The following MGST1 variants were observed in gnomAD, a reference collection of about 807,000 sequenced individuals.
MGST1 encodes the protein microsomal glutathione S-transferase 1, also known as glutathione S-transferase 12.
MGST1 carries 5 observed loss-of-function variants against 8.9 expected under a neutral mutation model. The ratio of observed to expected loss-of-function variants is 0.56; its 90% confidence interval spans 0.29 to 1.19. MGST1 has a LOEUF of 1.19. Among genes scored for constraint, MGST1 ranks in the 50% most tolerant of loss-of-function variants. The pLI, the probability that MGST1 is intolerant of heterozygous loss-of-function variation, is 0.08. For synonymous variants in MGST1, 54 were observed against 67.8 expected (o/e 0.80, Z 1.00); for missense variants, 182 against 187.4 (o/e 0.97, Z 0.17).
rs566190101 is a variant in MGST1, at chr12:16,446,788, T to C, written n.482+63184T>C. ...GAGCCACCACTGAACTTCTTGTTGA[T>C]TCTGGTATCCATCTCCCTTGTACAC... On this transcript the variant is annotated intron_variant and non_coding_transcript_variant, in intron 4 of 4. Coordinates refer to the MGST1 transcript ENST00000538857. Among the ~76,000 whole-genome samples the C allele has an allele frequency of 3.5e-4, 53 of 152,000 alleles. 2 individuals are homozygous for C. The South Asian group carries it at 0.011, about 31-fold the overall frequency.
chr12:16,443,583 ACAT>A (rs1480197082), downstream of MGST1, among the ~76,000 whole-genome samples: 4 of 151,904 alleles, frequency 2.6e-5, no homozygotes, highest in Non-Finnish European at 5.9e-5. Context: ...TATTTTTACA[ACAT>A]CATAAACAAT....
At chr12:16,519,940 A>C (rs1457033995) in intron 4 of MGST1, among the ~76,000 whole-genome samples, 1 of 152,182 alleles carries the variant, frequency 6.6e-6, no homozygotes, top group Non-Finnish European at 1.5e-5. Context: ...CATGTGGTAC[A>C]ATCAGATACA....
intron 4 of MGST1, among the ~76,000 whole-genome samples, chr12:16,570,596 A>G (rs1318012898): frequency 6.6e-6 from 1 of 152,130 alleles, no homozygotes; most frequent in East Asian, 1.9e-4. Flanking sequence ...TTCATGTGTC[A>G]ATTTCACCAT....
chr12:16,531,130 G>C (rs965829664), intron 4 of MGST1, among the ~76,000 whole-genome samples: 1 of 103,162 alleles, frequency 9.7e-6, no homozygotes, highest in Non-Finnish European at 1.8e-5. Context: ...TAGAAGCAAA[G>C]GAATTGTCTT....
Position 16,500,679 on chromosome 12 carries a change from T to C in MGST1, n.483-88849T>C, listed in dbSNP as rs564413830. On this transcript the variant is annotated intron_variant and non_coding_transcript_variant, in intron 4 of 4. Coordinates refer to the MGST1 transcript ENST00000538857. This position sits in a 1 kb window ranked among gnomAD's most constrained non-coding sequence, Gnocchi z 4.3. ...CTTTGCCCAGGATGATGTTTACACA[T>C]AGCAGGTGCTCAATAAATATATGTG... Among the ~76,000 whole-genome samples, 36 of 146,904 alleles carry C rather than the reference T, an allele frequency of 2.5e-4. No individual in the cohort carries two copies. Among genetic ancestry groups the C allele is most frequent in the Middle Eastern group, 3.4e-3 (1 of 292 alleles).
chr12:16,457,824 G>T (rs1941188248), intron 4 of MGST1, among the ~76,000 whole-genome samples: 1 of 151,912 alleles, frequency 6.6e-6, no homozygotes, highest in South Asian at 2.1e-4. Flanking sequence ...TTTTCATAAT[G>T]AATGAAAAAC....
chr12:16,588,727 C>T (rs1311181525), intron 4 of MGST1, among the ~76,000 whole-genome samples: 1 of 152,050 alleles, frequency 6.6e-6, no homozygotes, highest in East Asian at 1.9e-4. Context: ...ATTTCTCCAC[C>T]CATCTCCTTT....
At chr12:16,542,724 A>T (rs1272916195) in intron 4 of MGST1, among the ~76,000 whole-genome samples, 1 of 152,138 alleles carries the variant, frequency 6.6e-6, no homozygotes. Context: ...AACTATCAAC[A>T]TCCTCTCTTG....
intron 4 of MGST1, among the ~76,000 whole-genome samples, chr12:16,444,888 T>A (rs776246840): frequency 1.3e-5 from 2 of 151,938 alleles, no homozygotes; most frequent in Non-Finnish European, 1.5e-5. Flanking sequence ...TGGGTCCAAG[T>A]GGCATATGAG....
chr12:16,528,238 G>A lies in MGST1; in HGVS notation n.483-61290G>A, dbSNP rs559870760. On this transcript the variant is annotated intron_variant and non_coding_transcript_variant, in intron 4 of 4. Transcript: ENST00000538857. ...ACATTTTCACTGACTGCATTGCCTG[G>A]TTCAGTGCCTGCTTTCCATAGTGAA... is the stretch of plus-strand genomic sequence containing the variant. Among the ~76,000 whole-genome samples the A allele has an allele frequency of 2.6e-5, 4 of 152,070 alleles. No homozygotes were observed. The South Asian group carries it at 8.3e-4, about 32-fold the overall frequency.
chr12:16,538,832 T>C (rs555662043), intron 4 of MGST1, among the ~76,000 whole-genome samples: 1 of 151,970 alleles, frequency 6.6e-6, no homozygotes, highest in South Asian at 2.1e-4. Context: ...AGGGTATCGA[T>C]CTCCTGACCT....
intron 2 of MGST1, among the ~76,000 whole-genome samples, chr12:16,355,955 G>A (rs1939697526): frequency 6.6e-6 from 1 of 152,184 alleles, no homozygotes; most frequent in Non-Finnish European, 1.5e-5. Context: ...CTGGTGTTCA[G>A]TGAGGGCCCA....
intron 4 of MGST1, among the ~76,000 whole-genome samples, chr12:16,536,451 C>T (rs1246947603): frequency 6.6e-6 from 1 of 152,120 alleles, no homozygotes; most frequent in Non-Finnish European, 1.5e-5. Context: ...GAAGTAAAGA[C>T]AGTAAAGAAT....
chr12:16,375,256 G>A (rs1239724657), intron 3 of MGST1, among the ~76,000 whole-genome samples: 7 of 151,520 alleles, frequency 4.6e-5, no homozygotes, highest in South Asian at 2.1e-4. Context: ...GAGGGAAGGA[G>A]GCAATAGAAT....
Position 16,532,152 on chromosome 12 carries a change from G to A in MGST1, n.483-57376G>A, listed in dbSNP as rs1320498280. ...AAAATCACAGGAACTTCTAGCAGGT[G>A]TCGAGTGTCTTTCTCCCAGATGTTA... On this transcript the variant is annotated intron_variant and non_coding_transcript_variant, in intron 4 of 4. Transcript: ENST00000538857. Among the ~76,000 whole-genome samples the A allele has an allele frequency of 3.3e-5, 5 of 152,278 alleles. No individual in the cohort carries two copies. The South Asian group carries it at 6.2e-4, about 19-fold the overall frequency.
At chr12:16,583,562 C>T (rs1322951895) in intron 4 of MGST1, among the ~76,000 whole-genome samples, 10 of 151,896 alleles carry the variant, frequency 6.6e-5, no homozygotes. Context: ...ACCTCATTCC[C>T]ATAGATGGGA....
chr12:16,550,366 T>C (rs2137237608), intron 4 of MGST1: 1 of 152,542 alleles, frequency 6.6e-6, no homozygotes, highest in Non-Finnish European at 1.5e-5. Context: ...GAAAAAATTT[T>C]ACGTGATACC....
Position 16,513,705 on chromosome 12 carries a change from A to G in MGST1, n.483-75823A>G. ...GGCGGCTGGCTGAATTTTGCAAGGC[A>G]TCTGCAGAAGTAGCCTTGGGCGAGA... On this transcript the variant is annotated intron_variant and non_coding_transcript_variant, in intron 4 of 4. Transcript: ENST00000538857. The surrounding 1 kb of genome is among the most constrained non-coding windows in gnomAD (Gnocchi z 4.2). 1 of 552,644 alleles carries G rather than the reference A, an allele frequency of 1.8e-6. No homozygotes were observed. The highest frequency in any genetic ancestry group is 4.7e-5 in the East Asian group (1 of 21,264). The allele number at this position is 552,644 out of a possible 1,614,324, so 34.2% of individuals were successfully genotyped here.
chr12:16,538,763 C>T (rs975682376), intron 4 of MGST1, among the ~76,000 whole-genome samples: 1 of 152,060 alleles, frequency 6.6e-6, no homozygotes, highest in African/African-American at 2.4e-5. Flanking sequence ...CGCCCACCAC[C>T]ATGCCTGGCT....
Sources: allele counts gnomAD v4.1 joint callset (sites outside exome capture counted in the v4.1 genomes callset), GRCh38; gene constraint gnomAD v4.1.1; non-coding constraint Gnocchi (gnomAD v3.1); transcripts MANE v1.5; gene names NCBI Gene and HGNC (gene_info 2026-07-23, HGNC 2026-07-21).